The following MYO1E variants were observed in gnomAD, a reference collection of about 807,000 sequenced individuals.
MYO1E encodes the protein myosin IE.
A neutral mutation model predicts 151.1 loss-of-function variants in MYO1E; 68 were observed. The ratio of observed to expected loss-of-function variants is 0.45; its 90% CI spans 0.37 to 0.55. MYO1E has a LOEUF of 0.55. Ranked by LOEUF, MYO1E falls within the 20% of genes least tolerant of loss-of-function variation. MYO1E has a pLI of 0.00. For synonymous variants in MYO1E, 601 were observed against 501.7 expected (o/e 1.20, Z -2.64); for missense variants, 1,363 against 1,389.3 (o/e 0.98, Z 0.30).
intron 1 of MYO1E, among the ~76,000 whole-genome samples, chr15:59,322,455 T>C (rs1596416681): frequency 6.6e-6 from 1 of 152,142 alleles, no homozygotes; most frequent in East Asian, 1.9e-4. Flanking sequence ...AAATTAAAGG[T>C]AAAAAAGAAA....
chr15:59,223,852 G>A (rs1235098047), intron 8 of MYO1E, among the ~76,000 whole-genome samples: 1 of 152,190 alleles, frequency 6.6e-6, no homozygotes, highest in African/African-American at 2.4e-5. Flanking sequence ...CCAGTGTGCA[G>A]ACTCCTTATT....
At chr15:59,235,932 T>C (rs544566303) in intron 5 of MYO1E, among the ~76,000 whole-genome samples, 3 of 152,372 alleles carry the variant, frequency 2.0e-5, no homozygotes, top group African/African-American at 2.4e-5. Context: ...ATGGTGAACA[T>C]ACTTTCATGT....
At chr15:59,292,383 T>C (rs1001088017) in intron 1 of MYO1E, among the ~76,000 whole-genome samples, 2 of 152,238 alleles carry the variant, frequency 1.3e-5, no homozygotes, top group African/African-American at 4.8e-5. Flanking sequence ...TTATTATTAC[T>C]ATTTCAACTC....
At chr15:59,201,705 A>C (rs1318944157) in intron 16 of MYO1E, among the ~76,000 whole-genome samples, 1 of 152,176 alleles carries the variant, frequency 6.6e-6, no homozygotes, top group African/African-American at 2.4e-5. Flanking sequence ...CACCCAGCCC[A>C]CAAACTCTTA....
chr15:59,190,992 C>T (rs532955814), intron 17 of MYO1E, among the ~76,000 whole-genome samples: 7 of 152,010 alleles, frequency 4.6e-5, no homozygotes, highest in Admixed American at 2.0e-4. Flanking sequence ...TGCTGTGGGA[C>T]AGGAGGAGGG....
chr15:59,354,884 C>T (rs929599861), intron 1 of MYO1E, among the ~76,000 whole-genome samples: 10 of 152,130 alleles, frequency 6.6e-5, no homozygotes, highest in African/African-American at 2.4e-4. Flanking sequence ...CCTGCAGGAG[C>T]CCCACCGAAC....
intron 1 of MYO1E, among the ~76,000 whole-genome samples, chr15:59,309,445 C>T (rs1567010512): frequency 1.3e-5 from 2 of 152,328 alleles, no homozygotes; most frequent in South Asian, 4.2e-4. Context: ...GTAAACTAAA[C>T]AGATGCAAAA....
In MYO1E at chr15:59,163,377, A is replaced by G. The variant is rs943361569; in HGVS notation, c.2481-74T>C. On this transcript the variant is annotated intron_variant, in intron 22 of 27. Coordinates refer to ENST00000288235, the MANE Select transcript of MYO1E (RefSeq NM_004998.4). ...TACTCTATTGTTTTTTTTTTCTTCC[A>G]TTTTAAAAATCCTGCAAGATAGTGC... 6 of 1,481,926 alleles carry G rather than the reference A, an allele frequency of 4.0e-6. No homozygotes were observed. The African/African-American group carries it at 7.1e-5, about 17-fold the overall frequency. The allele number at this position is 1,481,926 out of a possible 1,614,324, so 91.8% of individuals were successfully genotyped here.
intron 25 of MYO1E, among the ~76,000 whole-genome samples, chr15:59,156,868 G>C (rs1242807997): frequency 6.6e-6 from 1 of 152,164 alleles, no homozygotes; most frequent in African/African-American, 2.4e-5. Context: ...CAGATTTTTA[G>C]AGACAGAAAA....
At chr15:59,258,113 G>C (rs141834622) in intron 3 of MYO1E, among the ~76,000 whole-genome samples, 299 of 152,290 alleles carry the variant, frequency 2.0e-3, no homozygotes, top group Admixed American at 4.2e-3. Context: ...TTGGGAGGCT[G>C]AGGTGGGAGG....
At chr15:59,316,468 C>T (rs753696460) in intron 1 of MYO1E, among the ~76,000 whole-genome samples, 4 of 152,124 alleles carry the variant, frequency 2.6e-5, no homozygotes, top group Non-Finnish European at 5.9e-5. Context: ...TCTTTCTTCC[C>T]AGCAGTCACT....
intron 26 of MYO1E, among the ~76,000 whole-genome samples, chr15:59,140,934 T>C (rs1281507512): frequency 1.3e-5 from 2 of 152,098 alleles, no homozygotes; most frequent in African/African-American, 4.8e-5. Flanking sequence ...ATTTTGTAGG[T>C]TCTTAGTGTG....
At chr15:59,316,091 G>A (rs1277958048) in intron 1 of MYO1E, among the ~76,000 whole-genome samples, 7 of 152,180 alleles carry the variant, frequency 4.6e-5, no homozygotes, top group African/African-American at 1.7e-4. Context: ...GGAAAGGGCA[G>A]CTGTCAAACC....
chr15:59,323,088 G>C (rs1466209011), intron 1 of MYO1E, among the ~76,000 whole-genome samples: 3 of 141,418 alleles, frequency 2.1e-5, no homozygotes, highest in African/African-American at 5.3e-5. Context: ...AGAATGGTGT[G>C]AACCCAGGAG....
At chr15:59,274,219 C>T (rs2080305164) in intron 1 of MYO1E, among the ~76,000 whole-genome samples, 1 of 152,170 alleles carries the variant, frequency 6.6e-6, no homozygotes, top group Non-Finnish European at 1.5e-5. Flanking sequence ...AGGCCTGCCA[C>T]CCATGCTGTC....
intron 1 of MYO1E, among the ~76,000 whole-genome samples, chr15:59,284,398 G>C (rs1260144262): frequency 6.6e-6 from 1 of 152,204 alleles, no homozygotes; most frequent in East Asian, 1.9e-4. Flanking sequence ...AACCATGTAA[G>C]TAGTCCAGTT....
chr15:59,233,725 A>T (rs149438679), intron 5 of MYO1E, among the ~76,000 whole-genome samples: 2 of 149,892 alleles, frequency 1.3e-5, no homozygotes, highest in East Asian at 3.9e-4. Context: ...CTCCATGTCA[A>T]CCCTCTCAGG....
At chr15:59,231,027 G>A (rs1566986613) in intron 6 of MYO1E, among the ~76,000 whole-genome samples, 1 of 152,196 alleles carries the variant, frequency 6.6e-6, no homozygotes, top group South Asian at 2.1e-4. Flanking sequence ...CCCCTCTGGA[G>A]ACACCCAGAC....
In MYO1E at chr15:59,296,894, C is replaced by A. The variant is rs569956963; in HGVS notation, c.4-24445G>T. 2.1e-5 allele frequency among the ~76,000 whole-genome samples: 3 copies of A among 141,844 alleles called. No homozygotes were observed. The South Asian group carries it at 7.0e-4, about 33-fold the overall frequency. The allele number at this position is 141,844 out of a possible 152,430, so 93.1% of individuals were successfully genotyped here. A position where few individuals can be genotyped will look rare whatever the true frequency, so the allele number is the denominator to read the frequency against. On this transcript the variant is annotated intron_variant, in intron 1 of 27. Transcript: ENST00000288235. ...TCGCTCTGTCGCCCAGGCTGAAGTG[C>A]AGTGGCATGATGTCGGCTCACTGCA...
Sources: gnomAD v4.1 joint callset for allele counts (sites outside exome capture counted in the v4.1 genomes callset) on GRCh38, gnomAD v4.1.1 for gene constraint, MANE v1.5 for transcripts, NCBI Gene and HGNC (gene_info 2026-07-23, HGNC 2026-07-21) for gene names.